The following PTP4A2 variants were observed in gnomAD, a reference collection of about 807,000 sequenced individuals.
PTP4A2 encodes protein tyrosine phosphatase type IVA 2.
Under a neutral mutation model 22.9 loss-of-function variants are expected in PTP4A2, and 2 were observed. That is an observed-to-expected ratio of 0.09 (90% CI 0.04 to 0.27). PTP4A2 has a LOEUF of 0.27. PTP4A2 is among the 10% of genes least tolerant of loss of function. The pLI, the probability that PTP4A2 is intolerant of heterozygous loss-of-function variation, is 1.00. For missense variants in PTP4A2, 103 were observed against 205.1 expected (o/e 0.50, Z 3.04); for synonymous variants, 68 against 69.1 (o/e 0.98, Z 0.08).
intron 1 of PTP4A2, among the ~76,000 whole-genome samples, chr1:31,930,659 T>C (rs1389797558): frequency 2.6e-5 from 4 of 152,188 alleles, no homozygotes; most frequent in African/African-American, 9.7e-5. Context: ...ATAAATTACA[T>C]TATAGTTCAC....
intron 4 of PTP4A2, 90 bp downstream of exon 4, chr1:31,911,606 A>C: frequency 8.2e-7 from 1 of 1,216,642 alleles, no homozygotes; most frequent in South Asian, 1.9e-5. Flanking sequence ...TTAGTATAAT[A>C]TATGCAAATG....
intron 3 of PTP4A2, among the ~76,000 whole-genome samples, chr1:31,915,372 T>A (rs1201235473): frequency 6.6e-6 from 1 of 151,982 alleles, no homozygotes; most frequent in Non-Finnish European, 1.5e-5. Context: ...TGTTTTTGTT[T>A]TTGAGACAAG....
At position 31,908,143 on chromosome 1, in the gene PTP4A2, TATA is replaced by T. The variant is rs1651304751; in HGVS notation, c.*706_*708del. 5.3e-3 allele frequency: 2 copies of T among 380 alleles called. No homozygotes were observed. Among genetic ancestry groups the T allele is most frequent in the African/African-American group, 0.014 (2 of 140 alleles). 0.0% of individuals were successfully genotyped at this position (380 alleles called of 1,614,324 possible). On this transcript the variant is annotated 3_prime_UTR_variant, in exon 6 of 6. Transcript: ENST00000647444. Reference sequence around the variant, plus strand: ...ATATATATATATATATATTATATTATATATATATATATATATATATATATATAT... The same window carrying T: ...ATATATATATATATATATTATATTATTATATATATATATATATATATATAT...
At chr1:31,921,415 CATA>C (rs1325803846) in intron 1 of PTP4A2, 1 of 152,182 alleles carries the variant, frequency 6.6e-6, no homozygotes, top group Non-Finnish European at 1.5e-5. Flanking sequence ...TTATTTGTCA[CATA>C]ATAATTGCCT....
In PTP4A2 at chr1:31,916,345, C is replaced by CAA. The variant is rs1167002913; in HGVS notation, c.97-360_97-359dup. On this transcript the variant is annotated intron_variant, in intron 2 of 5. Transcript: ENST00000647444. ...GGGCGACAGAGCGAGACTCCGTCTC[C>CAA]AAAAAAAAAAAAAAAAAAAAAAAAA... Among the ~76,000 whole-genome samples, 280 of 35,406 alleles carry CAA rather than the reference C, an allele frequency of 7.9e-3. 18 individuals carry two copies. Among genetic ancestry groups the CAA allele is most frequent in the Middle Eastern group, 0.05 (3 of 60 alleles). The allele number at this position is 35,406 out of a possible 152,430, so 23.2% of individuals were successfully genotyped here.
chr1:31,936,981 T>G (rs568175506), intron 1 of PTP4A2, among the ~76,000 whole-genome samples: 1 of 152,264 alleles, frequency 6.6e-6, no homozygotes, highest in East Asian at 1.9e-4. Flanking sequence ...CTTGACAAAT[T>G]CCAGGAAATA....
intron 2 of PTP4A2, 71 bp from the exon 3 acceptor site, chr1:31,916,058 A>G: frequency 9.3e-7 from 1 of 1,070,794 alleles, no homozygotes; most frequent in Admixed American, 2.6e-5. Flanking sequence ...GAAATGTACT[A>G]TTATAGGCCG....
chr1:31,918,217 C>T (rs1402511137), intron 2 of PTP4A2, among the ~76,000 whole-genome samples: 1 of 151,838 alleles, frequency 6.6e-6, no homozygotes, highest in Non-Finnish European at 1.5e-5. Flanking sequence ...CCACTGCACT[C>T]CAGCCTGGCG....
intron 1 of PTP4A2, among the ~76,000 whole-genome samples, chr1:31,930,500 C>T (rs544382057): frequency 5.8e-4 from 89 of 152,240 alleles, no homozygotes; most frequent in African/African-American, 2.0e-3. Context: ...GGACAAGACA[C>T]AGAATAAAAA....
rs1027072423 is a variant in PTP4A2, at chr1:31,920,124, C to T, written c.-593-466G>A. On this transcript the variant is annotated intron_variant, in intron 1 of 5. Transcript: ENST00000647444. ...CTGGGCAACAAGAGCAAAACTCTGC[C>T]TCAAAAAAAAAAAAAAAAAAAAAAA... is the stretch of plus-strand genomic sequence containing the variant. 1.5e-4 allele frequency among the ~76,000 whole-genome samples: 13 copies of T among 88,560 alleles called. 1 individual carries two copies. The highest frequency in any genetic ancestry group is 5.1e-4 in the African/African-American group (11 of 21,682). The allele number at this position is 88,560 out of a possible 152,430, so 58.1% of individuals were successfully genotyped here.
At chr1:31,931,159 G>C (rs1302479008) in intron 1 of PTP4A2, 1 of 152,158 alleles carries the variant, frequency 6.6e-6, no homozygotes, top group Non-Finnish European at 1.5e-5. Context: ...GAATCAACGT[G>C]GGTGAAAAAT....
intron 1 of PTP4A2, chr1:31,930,886 G>A (rs753699003): frequency 6.6e-6 from 1 of 152,122 alleles, no homozygotes; most frequent in Non-Finnish European, 1.5e-5. Context: ...AATAAAAATG[G>A]TGAAATAACT....
rs33976935 is a variant in PTP4A2 at position 31,915,535 on chromosome 1, ATTTTT to A, written c.189+355_189+359del. The A allele has an allele frequency of 6.5e-4, 70 of 107,036 alleles. No homozygotes were observed. The East Asian group carries it at 8.9e-3, about 14-fold the overall frequency. The allele number at this position is 107,036 out of a possible 1,614,324, so 6.6% of individuals were successfully genotyped here. On this transcript the variant is annotated intron_variant, in intron 3 of 5. Coordinates refer to ENST00000647444, the MANE Select transcript of PTP4A2 (RefSeq NM_080391.4). Reference sequence around the variant, plus strand: ...GTGCCCACCTAATACCAAGTTTTTAATTTTTTTTTTTTTTTTTTTTTTGAGACGGG... The same window carrying A: ...GTGCCCACCTAATACCAAGTTTTTAATTTTTTTTTTTTTTTTTGAGACGGG...
rs1651538143 is a variant in PTP4A2, at chr1:31,911,650, A to T, written c.320+46T>A. ...AGTGAAACTTTCAACTAACTTAGGCATGGTAATGAATTCAGACAAAAAGGG... is the reference window on the plus strand; with the variant it reads ...AGTGAAACTTTCAACTAACTTAGGCTTGGTAATGAATTCAGACAAAAAGGG... On this transcript the variant is annotated intron_variant, in intron 4 of 5. Transcript: ENST00000647444. 2.0e-6 allele frequency: 3 copies of T among 1,497,848 alleles called. No homozygotes were observed. In the East Asian group the frequency reaches 7.3e-5, roughly 37 times the overall value. 92.8% of individuals were successfully genotyped at this position (1,497,848 alleles called of 1,614,324 possible).
At chr1:31,935,553 A>C (rs1652898057) in intron 1 of PTP4A2, 1 of 152,182 alleles carries the variant, frequency 6.6e-6, no homozygotes, top group African/African-American at 2.4e-5. Flanking sequence ...TCCAGCACTA[A>C]TTATTATCTG....
In PTP4A2 at chr1:31,910,545, C is replaced by G. The variant is rs189991484; in HGVS notation, c.321-433G>C. The G allele has an allele frequency of 1.2e-3, 180 of 154,786 alleles. 1 individual carries two copies. The highest frequency in any genetic ancestry group is 1.9e-3 in the Non-Finnish European group (132 of 69,450). The allele number at this position is 154,786 out of a possible 1,614,324, so 9.6% of individuals were successfully genotyped here. A position where few individuals can be genotyped will look rare whatever the true frequency, so the allele number is the denominator to read the frequency against. On this transcript the variant is annotated intron_variant, in intron 4 of 5. Coordinates refer to ENST00000647444, the MANE Select transcript of PTP4A2 (RefSeq NM_080391.4). ...TCCTAGGCTCAAGCAATCTGCCTGC[C>G]TCCGCCTCCCAAAGTGCTGGGATTA...
intron 3 of PTP4A2, chr1:31,915,662 C>G (rs1005086197): frequency 6.7e-6 from 2 of 300,264 alleles, no homozygotes; most frequent in Non-Finnish European, 1.3e-5. Context: ...ACCTCAAAAA[C>G]CCAAGTAGCT....
At chr1:31,918,929 C>T in intron 2 of PTP4A2, 41 bp downstream of exon 2, 1 of 1,137,300 alleles carries the variant, frequency 8.8e-7, no homozygotes, top group Non-Finnish European at 1.3e-6. Flanking sequence ...GGGATTTTAC[C>T]TAGAAATCAA....
intron 5 of PTP4A2, 87 bp downstream of exon 5, chr1:31,909,951 T>A (rs1172145173): frequency 7.4e-6 from 9 of 1,210,298 alleles, no homozygotes; most frequent in Non-Finnish European, 2.4e-6. Flanking sequence ...AATTATCCCA[T>A]ACTATAAATG....
Sources: gnomAD v4.1 joint callset for allele counts (sites outside exome capture counted in the v4.1 genomes callset) on GRCh38, gnomAD v4.1.1 for gene constraint, MANE v1.5 for transcripts, NCBI Gene and HGNC (gene_info 2026-07-23, HGNC 2026-07-21) for gene names.